Variants in DIRAS2 observed in about 807,000 individuals in gnomAD.
The protein encoded by DIRAS2 is GTP-binding protein Di-Ras2.
In DIRAS2, 5 loss-of-function variants were observed where a neutral mutation model predicts 13.9. The ratio of observed to expected loss-of-function variants is 0.36; its 90% CI spans 0.19 to 0.76. The LOEUF (loss-of-function observed/expected upper bound fraction) is 0.76. DIRAS2 is among the 30% of genes least tolerant of loss of function. The pLI is 0.53. For synonymous variants in DIRAS2, 111 were observed against 105.4 expected, an observed-to-expected ratio of 1.05 and a Z score of -0.33; for missense variants, 191 against 263.0, an observed-to-expected ratio of 0.73 and a Z score of 1.89.
rs1825099783 is a variant in DIRAS2 at position 90,610,411 on chromosome 9, T to C, written c.*2817A>G. 2.5e-6 allele frequency: 1 copy of C among 398,916 alleles called. No individual in the cohort carries two copies. Among genetic ancestry groups the C allele is most frequent in the South Asian group, 1.3e-4 (1 of 7,864 alleles). The allele number at this position is 398,916 out of a possible 1,614,324, so 24.7% of individuals were successfully genotyped here. On this transcript the variant is annotated 3_prime_UTR_variant, in exon 2 of 2. Transcript: ENST00000375765. ...TGTTGGTCTTGCTGCATTGTATGCA[T>C]GCCCATGGCTTGTCGCTGGATGGAG...
chr9:90,640,480 A>G (rs1825409125), intron 1 of DIRAS2, among the ~76,000 whole-genome samples: 2 of 152,220 alleles, frequency 1.3e-5, no homozygotes, highest in South Asian at 4.1e-4. Flanking sequence ...GAATTAGTAA[A>G]TTTAACTCTT....
At chr9:90,621,130 G>A (rs543412297) in intron 1 of DIRAS2, among the ~76,000 whole-genome samples, 2 of 152,242 alleles carry the variant, frequency 1.3e-5, no homozygotes, top group African/African-American at 4.8e-5. Flanking sequence ...AGTGACATTG[G>A]GGGGTGTGAA....
intron 1 of DIRAS2, among the ~76,000 whole-genome samples, chr9:90,615,549 A>G (rs991191970): frequency 3.9e-5 from 6 of 152,348 alleles, no homozygotes; most frequent in South Asian, 2.1e-4. Context: ...AAAAAACTCA[A>G]TCGTGTCTTA....
intron 1 of DIRAS2, among the ~76,000 whole-genome samples, chr9:90,632,754 T>C (rs1564022487): frequency 1.3e-5 from 2 of 152,188 alleles, no homozygotes; most frequent in African/African-American, 2.4e-5. Flanking sequence ...ATGAGCACAC[T>C]GGGAAGGGCA....
At chr9:90,618,680 C>T (rs1825191415) in intron 1 of DIRAS2, among the ~76,000 whole-genome samples, 1 of 152,052 alleles carries the variant, frequency 6.6e-6, no homozygotes, top group African/African-American at 2.4e-5. Context: ...CAAAGAACTT[C>T]TACAATTCAA....
At chr9:90,633,401 T>A (rs114005655) in intron 1 of DIRAS2, among the ~76,000 whole-genome samples, 1,821 of 152,272 alleles carry the variant, frequency 0.012, 50 homozygotes, top group African/African-American at 0.042. Context: ...GCTGAGAGAA[T>A]CCTGGACAAA....
intron 1 of DIRAS2, among the ~76,000 whole-genome samples, chr9:90,621,557 A>T (rs1476152353): frequency 6.6e-6 from 1 of 152,258 alleles, no homozygotes; most frequent in African/African-American, 2.4e-5. Flanking sequence ...AAACAAAAAA[A>T]AATTGACACA....
Position 90,613,181 on chromosome 9 carries a change from A to G in DIRAS2, c.*47T>C, listed in dbSNP as rs1400479286. ...ACGACGGTGGGTGTCATTTTGGGGG[A>G]GTGAGGTGCCGGGGACACACAGCTG... On this transcript the variant is annotated 3_prime_UTR_variant, in exon 2 of 2. Transcript: ENST00000375765. The surrounding 1 kb of genome is among the most constrained non-coding windows in gnomAD (Gnocchi z 5.6). The G allele has an allele frequency of 1.3e-6, 2 of 1,572,446 alleles. No individual in the cohort carries two copies. The highest frequency in any genetic ancestry group is 1.8e-5 in the Admixed American group (1 of 56,334).
chr9:90,630,261 C>T (rs913647439), intron 1 of DIRAS2, among the ~76,000 whole-genome samples: 2 of 152,076 alleles, frequency 1.3e-5, no homozygotes, highest in African/African-American at 4.8e-5. Flanking sequence ...TGTGTGTGAT[C>T]CAACAAAGGA....
intron 1 of DIRAS2, among the ~76,000 whole-genome samples, chr9:90,623,329 C>T (rs906879571): frequency 1.3e-5 from 2 of 152,158 alleles, no homozygotes; most frequent in African/African-American, 4.8e-5. Flanking sequence ...AGGCCATCCC[C>T]TGAATGGGAA....
chr9:90,616,016 G>T (rs569019377), intron 1 of DIRAS2, among the ~76,000 whole-genome samples: 33 of 152,284 alleles, frequency 2.2e-4, no homozygotes, highest in African/African-American at 7.2e-4. Flanking sequence ...CTTGTATTAT[G>T]GTTATGTAGC....
At chr9:90,615,661 C>T (rs1324341858) in intron 1 of DIRAS2, among the ~76,000 whole-genome samples, 1 of 152,170 alleles carries the variant, frequency 6.6e-6, no homozygotes, top group Admixed American at 6.5e-5. Flanking sequence ...TATGAAGAAG[C>T]TGGATCTGGT....
At chr9:90,637,074 A>G (rs1191921010) in intron 1 of DIRAS2, among the ~76,000 whole-genome samples, 2 of 152,232 alleles carry the variant, frequency 1.3e-5, no homozygotes, top group African/African-American at 4.8e-5. Context: ...TGCCCAGCAT[A>G]GTGAGAGAAT....
At chr9:90,619,206 G>A (rs573608799) in intron 1 of DIRAS2, among the ~76,000 whole-genome samples, 42 of 152,242 alleles carry the variant, frequency 2.8e-4, no homozygotes, top group African/African-American at 9.4e-4. Context: ...TTGGGAGATC[G>A]AAGTGGGTGG....
intron 1 of DIRAS2, among the ~76,000 whole-genome samples, chr9:90,639,039 T>C (rs941918506): frequency 6.6e-6 from 1 of 152,180 alleles, no homozygotes; most frequent in African/African-American, 2.4e-5. Flanking sequence ...TCTTGCGTTC[T>C]TATTTTCTCA....
chr9:90,617,140 T>C (rs1365744784), intron 1 of DIRAS2, among the ~76,000 whole-genome samples: 1 of 152,204 alleles, frequency 6.6e-6, no homozygotes, highest in East Asian at 1.9e-4. Context: ...TAAACTGGCA[T>C]CCAGGAGTGA....
At chr9:90,625,043 A>C (rs771503309) in intron 1 of DIRAS2, among the ~76,000 whole-genome samples, 1 of 152,242 alleles carries the variant, frequency 6.6e-6, no homozygotes, top group African/African-American at 2.4e-5. Context: ...AATAACAAAC[A>C]AGATTGTTGT....
At chr9:90,637,217 G>C (rs1825379590) in intron 1 of DIRAS2, among the ~76,000 whole-genome samples, 2 of 152,208 alleles carry the variant, frequency 1.3e-5, no homozygotes, top group African/African-American at 4.8e-5. Flanking sequence ...TTGCAAGTTA[G>C]GAGCCATCTA....
At chr9:90,642,259 T>A (rs886107256) in intron 1 of DIRAS2, among the ~76,000 whole-genome samples, 1 of 152,188 alleles carries the variant, frequency 6.6e-6, no homozygotes, top group South Asian at 2.1e-4. Context: ...GTAGATATCA[T>A]GAAACACATT....
Sources: allele counts gnomAD v4.1 joint callset (sites outside exome capture counted in the v4.1 genomes callset), GRCh38; gene constraint gnomAD v4.1.1; non-coding constraint Gnocchi (gnomAD v3.1); transcripts MANE v1.5; gene names NCBI Gene and HGNC (gene_info 2026-07-23, HGNC 2026-07-21).